Variants in ANKRD44 observed in about 807,000 individuals in gnomAD.
ANKRD44 encodes the protein serine/threonine-protein phosphatase 6 regulatory ankyrin repeat subunit B.
Under a neutral mutation model 116.0 loss-of-function variants are expected in ANKRD44, and 35 were observed. The observed-to-expected ratio is 0.30, with a 90% confidence interval of 0.23 to 0.40. The LOEUF (loss-of-function observed/expected upper bound fraction) is 0.40, where lower values mean the gene tolerates loss of function less well. Among genes scored for constraint, ANKRD44 ranks in the 10% least tolerant of loss-of-function variants. The pLI, the probability that ANKRD44 is intolerant of heterozygous loss-of-function variation, is 1.00. For synonymous variants in ANKRD44, 435 were observed against 461.8 expected (o/e 0.94, Z 0.74); for missense variants, 1,014 against 1,242.6 (o/e 0.82, Z 2.77).
intron 1 of ANKRD44, among the ~76,000 whole-genome samples, chr2:197,198,356 T>C (rs1274910192): frequency 6.6e-6 from 1 of 151,980 alleles, no homozygotes; most frequent in Non-Finnish European, 1.5e-5. Context: ...TAAAAATGGA[T>C]TGTATGATGA....
chr2:197,171,410 CTGTT>C (rs980641715), intron 2 of ANKRD44, among the ~76,000 whole-genome samples: 30 of 152,248 alleles, frequency 2.0e-4, no homozygotes, highest in African/African-American at 7.2e-4. Context: ...GCTAGAATGT[CTGTT>C]TGGGAGGGCT....
At chr2:197,193,308 C>T (rs2080867217) in intron 1 of ANKRD44, among the ~76,000 whole-genome samples, 1 of 152,088 alleles carries the variant, frequency 6.6e-6, no homozygotes, top group Non-Finnish European at 1.5e-5. Context: ...CGATGGCCAA[C>T]CCAAAGTAAA....
intron 3 of ANKRD44, among the ~76,000 whole-genome samples, chr2:197,140,989 G>C (rs1447951883): frequency 6.6e-6 from 1 of 152,176 alleles, no homozygotes. Context: ...GGTCGAGGTG[G>C]GCAGAACACC....
chr2:197,231,367 T>C (rs2081858711), intron 1 of ANKRD44, among the ~76,000 whole-genome samples: 2 of 152,122 alleles, frequency 1.3e-5, no homozygotes. Context: ...AATTCAAGGC[T>C]GCAGTGAGCT....
At chr2:197,127,375 T>C (rs2078999517) in intron 4 of ANKRD44, among the ~76,000 whole-genome samples, 1 of 152,196 alleles carries the variant, frequency 6.6e-6, no homozygotes, top group Non-Finnish European at 1.5e-5. Context: ...AAGCTTTGAT[T>C]AAAAACAGAT....
chr2:197,128,937 A>C (rs1480275051), intron 4 of ANKRD44, among the ~76,000 whole-genome samples: 1 of 152,182 alleles, frequency 6.6e-6, no homozygotes, highest in African/African-American at 2.4e-5. Flanking sequence ...GTAGAATAAT[A>C]AAATGAAATA....
intron 27 of ANKRD44, chr2:196,991,014 C>T: frequency 2.7e-6 from 3 of 1,114,508 alleles, no homozygotes; most frequent in Non-Finnish European, 2.3e-6. Context: ...CGGATGATCT[C>T]ACAGGCGGAG....
At chr2:197,303,741 A>T (rs1480186154) in intron 1 of ANKRD44, among the ~76,000 whole-genome samples, 1 of 152,238 alleles carries the variant, frequency 6.6e-6, no homozygotes. Flanking sequence ...AAACAGCCCA[A>T]AGTGGACTAT....
In ANKRD44 at chr2:196,968,890, C is replaced by A. The variant is rs527714801; in HGVS notation, c.2369-1444G>T. On this transcript the variant is annotated intron_variant, in intron 21 of 21. Coordinates refer to the ANKRD44 transcript ENST00000424317. ...AACCTGTAGGCAGTCCTCTCATCTG[C>A]TGGCCTGGCTTCAAGGACCATTAGT... is the stretch of plus-strand genomic sequence containing the variant. Among the ~76,000 whole-genome samples, 7 of 152,320 alleles carry A rather than the reference C, an allele frequency of 4.6e-5. No homozygotes were observed. The East Asian group carries it at 1.3e-3, about 29-fold the overall frequency.
intron 17 of ANKRD44, among the ~76,000 whole-genome samples, chr2:197,021,261 T>C (rs1193064951): frequency 6.6e-6 from 1 of 152,230 alleles, no homozygotes; most frequent in Non-Finnish European, 1.5e-5. Flanking sequence ...TAAACATACA[T>C]GTGCATGTGT....
intron 16 of ANKRD44, among the ~76,000 whole-genome samples, chr2:197,047,703 A>G (rs2077028097): frequency 6.6e-6 from 1 of 152,116 alleles, no homozygotes; most frequent in Non-Finnish European, 1.5e-5. Flanking sequence ...CGAACTCAGG[A>G]GATCAAGACC....
intron 4 of ANKRD44, among the ~76,000 whole-genome samples, chr2:197,131,381 C>G (rs1574514146): frequency 6.6e-6 from 1 of 151,748 alleles, no homozygotes; most frequent in Admixed American, 6.6e-5. Context: ...TTAGTAGAGA[C>G]GGGGTTTCAC....
chr2:197,100,065 C>T, intron 9 of ANKRD44, 135 bp from the exon 10 acceptor site: 1 of 774,140 alleles, frequency 1.3e-6, no homozygotes, highest in South Asian at 1.8e-5. Flanking sequence ...CTCCGAAATA[C>T]AAGAATGCTT....
intron 1 of ANKRD44, among the ~76,000 whole-genome samples, chr2:197,264,720 G>C (rs1253749808): frequency 6.6e-6 from 1 of 152,100 alleles, no homozygotes; most frequent in Non-Finnish European, 1.5e-5. Context: ...CTGGGCACTA[G>C]AATCCTTCAC....
intron 9 of ANKRD44, among the ~76,000 whole-genome samples, chr2:197,103,623 T>C (rs2078355955): frequency 6.6e-6 from 1 of 152,218 alleles, no homozygotes; most frequent in Middle Eastern, 3.2e-3. Flanking sequence ...ATAAGTAATA[T>C]AAATATGAAT....
At chr2:197,256,482 T>G (rs2712890) in intron 1 of ANKRD44, among the ~76,000 whole-genome samples, 1 of 152,014 alleles carries the variant, frequency 6.6e-6, no homozygotes, top group South Asian at 2.1e-4. Flanking sequence ...ACACAAGTTA[T>G]CTACATCAAA....
At chr2:197,111,277 C>A (rs2078558693) in intron 8 of ANKRD44, among the ~76,000 whole-genome samples, 2 of 152,050 alleles carry the variant, frequency 1.3e-5, no homozygotes, top group African/African-American at 4.8e-5. Flanking sequence ...ACAAAAAAGA[C>A]AAATGTGTTA....
chr2:197,108,977 C>G (rs1459938833), intron 9 of ANKRD44, among the ~76,000 whole-genome samples: 1 of 152,200 alleles, frequency 6.6e-6, no homozygotes, highest in Non-Finnish European at 1.5e-5. Flanking sequence ...CAGCAGTCCC[C>G]TGGGACTGTT....
chr2:197,280,498 C>T (rs181862262), intron 1 of ANKRD44, among the ~76,000 whole-genome samples: 2 of 152,298 alleles, frequency 1.3e-5, no homozygotes, highest in East Asian at 3.9e-4. Context: ...TGTGCCTGAA[C>T]CACAAACTTA....
Sources: gnomAD v4.1 joint callset for allele counts (sites outside exome capture counted in the v4.1 genomes callset) on GRCh38, gnomAD v4.1.1 for gene constraint, MANE v1.5 for transcripts, NCBI Gene and HGNC (gene_info 2026-07-23, HGNC 2026-07-21) for gene names.